The following IPO11 variants were observed in gnomAD, a reference collection of about 807,000 sequenced individuals.
IPO11 encodes importin 11, also known as importin-11.
A neutral mutation model predicts 143.2 loss-of-function variants in IPO11; 66 were observed. That is an observed-to-expected ratio of 0.46 (90% CI 0.38 to 0.57). The LOEUF (loss-of-function observed/expected upper bound fraction) is 0.57. Among genes scored for constraint, IPO11 ranks in the 20% least tolerant of loss-of-function variants. IPO11 has a pLI of 0.00. For missense variants in IPO11, 1,026 were observed against 1,141.0 expected, an observed-to-expected ratio of 0.90 and a Z score of 1.45; for synonymous variants, 385 against 377.8, an observed-to-expected ratio of 1.02 and a Z score of -0.22.
Position 62,627,210 on chromosome 5 carries a change from G to C in IPO11, c.2820G>C (p.Lys940Asn). 1 of 1,614,188 alleles carries C rather than the reference G, an allele frequency of 6.2e-7. No homozygotes were observed. Among genetic ancestry groups the C allele is most frequent in the Non-Finnish European group, 8.5e-7 (1 of 1,180,016 alleles). The change falls in exon 30 of 30, where the codon AAG becomes AAC. Residue 940 changes from lysine (K) to asparagine (N), a missense_variant. Transcript: ENST00000325324. ...CACTGCAGCAGTTCATCTACGAGAA[G>C]CTCAAGGCACAGCAGGAGATGCTAG... The part of the protein sequence containing the change: ...TVSLQQFIYE[K>N]LKAQQEMLGE...
intron 20 of IPO11, among the ~76,000 whole-genome samples, chr5:62,521,957 A>G (rs1341549980): frequency 6.6e-6 from 1 of 152,100 alleles, no homozygotes; most frequent in African/African-American, 2.4e-5. Context: ...TATTAATGAT[A>G]TATTTTTCCA....
chr5:62,573,826 CAGTATTGTA>C (rs1744225578), intron 27 of IPO11, among the ~76,000 whole-genome samples: 1 of 152,196 alleles, frequency 6.6e-6, no homozygotes, highest in Admixed American at 6.5e-5. Flanking sequence ...GATGCCCCTG[CAGTATTGTA>C]CATATACCTC....
Position 62,537,259 on chromosome 5 carries a change from T to C in IPO11, c.2220T>C (p.Ile740=). Residue 740 remains isoleucine (I), a synonymous_variant, in exon 24 of 30, where the codon ATT becomes ATC. Transcript: ENST00000325324. ...CQSFCELLKE[I]TTEGQVQVLK... Reference sequence around the variant, plus strand: ...CCTTTTGTGAACTTTTAAAGGAAATTACTACAGAAGGTCAAGTTCAGGTGC... The same window carrying C: ...CCTTTTGTGAACTTTTAAAGGAAATCACTACAGAAGGTCAAGTTCAGGTGC... The C allele has an allele frequency of 6.2e-7, 1 of 1,606,164 alleles. No homozygotes were observed. Among genetic ancestry groups the C allele is most frequent in the Non-Finnish European group, 8.5e-7 (1 of 1,173,818 alleles).
chr5:62,413,496 G>T (rs1232099854), intron 1 of IPO11: 1 of 152,114 alleles, frequency 6.6e-6, no homozygotes, highest in Non-Finnish European at 1.5e-5. Context: ...ATATTTGGGG[G>T]TATTTGTGAT....
chr5:62,606,554 C>T (rs957667299), intron 29 of IPO11, among the ~76,000 whole-genome samples: 2 of 145,034 alleles, frequency 1.4e-5, no homozygotes, highest in African/African-American at 2.6e-5. Flanking sequence ...AAAATGTGTG[C>T]GGCCGGGTAC....
chr5:62,574,753 T>C (rs1744254953), intron 27 of IPO11, among the ~76,000 whole-genome samples: 1 of 152,182 alleles, frequency 6.6e-6, no homozygotes, highest in African/African-American at 2.4e-5. Flanking sequence ...TAAAATATGC[T>C]TCTCAGAATG....
chr5:62,592,468 A>C (rs1745057900), intron 28 of IPO11, among the ~76,000 whole-genome samples: 1 of 152,174 alleles, frequency 6.6e-6, no homozygotes, highest in African/African-American at 2.4e-5. Flanking sequence ...GTTTGTATGA[A>C]GTGGAAACAT....
chr5:62,543,955 T>A (rs2112335717), intron 24 of IPO11, among the ~76,000 whole-genome samples: 1 of 152,324 alleles, frequency 6.6e-6, no homozygotes, highest in South Asian at 2.1e-4. Flanking sequence ...CCAGTAGTCA[T>A]TCAGCAGCAG....
intron 24 of IPO11, among the ~76,000 whole-genome samples, chr5:62,542,819 T>A (rs192965934): frequency 1.7e-4 from 26 of 152,354 alleles, no homozygotes; most frequent in African/African-American, 6.0e-4. Context: ...TACTATGACT[T>A]TTTGAATTCT....
intron 1 of IPO11, among the ~76,000 whole-genome samples, chr5:62,433,154 T>G (rs552429416): frequency 6.2e-5 from 9 of 145,636 alleles, no homozygotes; most frequent in Non-Finnish European, 1.1e-4. Context: ...TTGTTTTTTG[T>G]TTTTTTTTTA....
chr5:62,617,368 CAT>C (rs1339827001), intron 29 of IPO11, among the ~76,000 whole-genome samples: 2 of 152,198 alleles, frequency 1.3e-5, no homozygotes, highest in African/African-American at 2.4e-5. Flanking sequence ...TATTAATTCA[CAT>C]GTTTGGTTTT....
rs1743165864 is a variant in IPO11 at position 62,412,921 on chromosome 5, A to G, written c.-15A>G. The stretch of plus-strand genomic sequence containing the variant: ...GGGAGGGCCGGGCAATTCCCGACCG[A>G]ACCAAACGGTGAGGCCCCGGCCCGA... On this transcript the variant is annotated 5_prime_UTR_variant, in exon 1 of 30. Transcript: ENST00000325324. The G allele has an allele frequency of 6.5e-6, 1 of 152,698 alleles. No individual in the cohort carries two copies. Among genetic ancestry groups the G allele is most frequent in the African/African-American group, 2.4e-5 (1 of 41,444 alleles). The allele number at this position is 152,698 out of a possible 1,614,324, so 9.5% of individuals were successfully genotyped here.
intron 5 of IPO11, among the ~76,000 whole-genome samples, chr5:62,452,251 A>C (rs1019876448): frequency 3.3e-5 from 5 of 150,884 alleles, no homozygotes; most frequent in Middle Eastern, 3.2e-3. Context: ...TCTCAAAAAA[A>C]ATAAAATAAA....
chr5:62,466,342 G>C (rs1277188884), intron 5 of IPO11, among the ~76,000 whole-genome samples: 1 of 152,168 alleles, frequency 6.6e-6, no homozygotes, highest in Non-Finnish European at 1.5e-5. Context: ...CAGGATTGCA[G>C]CTCTGGTTTC....
intron 24 of IPO11, among the ~76,000 whole-genome samples, chr5:62,537,796 T>C (rs1199674076): frequency 6.6e-6 from 1 of 152,056 alleles, no homozygotes; most frequent in Non-Finnish European, 1.5e-5. Context: ...TATCTTTATA[T>C]ATTATACCTG....
intron 22 of IPO11, 67 bp from the exon 23 acceptor site, chr5:62,536,635 T>C: frequency 6.6e-7 from 1 of 1,522,502 alleles, no homozygotes; most frequent in Non-Finnish European, 8.8e-7. Flanking sequence ...TATGAATCAC[T>C]TCATTTAAAC....
chr5:62,606,878 T>TG (rs1455895487), intron 29 of IPO11, among the ~76,000 whole-genome samples: 2 of 152,260 alleles, frequency 1.3e-5, no homozygotes, highest in African/African-American at 4.8e-5. Context: ...CTCCAGCATA[T>TG]GTAAGTAAAC....
chr5:62,425,922 G>A (rs1436088174), intron 1 of IPO11, among the ~76,000 whole-genome samples: 1 of 152,134 alleles, frequency 6.6e-6, no homozygotes, highest in East Asian at 1.9e-4. Flanking sequence ...ACACCAAATA[G>A]TAAGAACATT....
intron 27 of IPO11, among the ~76,000 whole-genome samples, chr5:62,586,803 T>TA (rs1744811965): frequency 1.0e-5 from 1 of 96,792 alleles, no homozygotes; most frequent in Non-Finnish European, 2.2e-5. Flanking sequence ...ATATATATAT[T>TA]CATGATTACC....
Sources: allele counts gnomAD v4.1 joint callset (sites outside exome capture counted in the v4.1 genomes callset), GRCh38; gene constraint gnomAD v4.1.1; transcripts MANE v1.5; gene names NCBI Gene and HGNC (gene_info 2026-07-23, HGNC 2026-07-21).